Variants in C8orf34 observed in about 807,000 individuals in gnomAD.
C8orf34 encodes uncharacterized protein C8orf34.
C8orf34 carries 65 observed loss-of-function variants against 68.3 expected under a neutral mutation model. That is an observed-to-expected ratio of 0.95 (90% confidence interval 0.78 to 1.17). C8orf34 has a LOEUF of 1.17. Ranked by LOEUF, C8orf34 falls within the 50% of genes most tolerant of loss-of-function variation. C8orf34 has a pLI of 0.00. For synonymous variants in C8orf34, 244 were observed against 241.2 expected, an observed-to-expected ratio of 1.01 and a Z score of -0.11; for missense variants, 664 against 655.4, an observed-to-expected ratio of 1.01 and a Z score of -0.14.
At chr8:68,528,165 TGATCC>T (rs1236315628) in intron 6 of C8orf34, among the ~76,000 whole-genome samples, 1 of 152,186 alleles carries the variant, frequency 6.6e-6, no homozygotes, top group African/African-American at 2.4e-5. Context: ...ACATCATCGG[TGATCC>T]TTCCCCAAAC....
chr8:68,684,309 A>G (rs1269003393), intron 8 of C8orf34, among the ~76,000 whole-genome samples: 2 of 152,138 alleles, frequency 1.3e-5, no homozygotes, highest in Admixed American at 1.3e-4. Flanking sequence ...AGAAAACGAG[A>G]CAGGACCTAA....
chr8:68,462,872 A>G (rs918262802), intron 3 of C8orf34, among the ~76,000 whole-genome samples: 1 of 152,160 alleles, frequency 6.6e-6, no homozygotes, highest in Non-Finnish European at 1.5e-5. Context: ...TAACATCACA[A>G]TTAAAAGAAC....
At chr8:68,555,191 ATT>A (rs1339152869) in intron 7 of C8orf34, among the ~76,000 whole-genome samples, 1 of 152,134 alleles carries the variant, frequency 6.6e-6, no homozygotes, top group Non-Finnish European at 1.5e-5. Context: ...ACAGAAAGCC[ATT>A]GTTTCAGCCT....
intron 1 of C8orf34, among the ~76,000 whole-genome samples, chr8:68,368,159 A>G (rs1352836923): frequency 1.4e-4 from 22 of 152,154 alleles, no homozygotes; most frequent in Admixed American, 1.4e-3. Context: ...TTTACCACAG[A>G]TTATCCTCTG....
At chr8:68,761,507 A>C (rs1823023681) in intron 10 of C8orf34, among the ~76,000 whole-genome samples, 1 of 152,208 alleles carries the variant, frequency 6.6e-6, no homozygotes, top group African/African-American at 2.4e-5. Flanking sequence ...AAACCGTCTA[A>C]TTTCCTTTCC....
intron 1 of C8orf34, among the ~76,000 whole-genome samples, chr8:68,353,040 A>G (rs990002737): frequency 6.6e-6 from 1 of 152,114 alleles, no homozygotes. Flanking sequence ...TCCTTATTAA[A>G]TCACTTAGAA....
At chr8:68,380,542 T>G (rs1347769200) in intron 1 of C8orf34, among the ~76,000 whole-genome samples, 1 of 152,268 alleles carries the variant, frequency 6.6e-6, no homozygotes, top group African/African-American at 2.4e-5. Flanking sequence ...GCTCCATGGC[T>G]GTCAAGCCAG....
At chr8:68,403,605 A>G (rs772974798) in intron 1 of C8orf34, among the ~76,000 whole-genome samples, 2 of 151,480 alleles carry the variant, frequency 1.3e-5, no homozygotes, top group East Asian at 1.9e-4. Context: ...TCATTGTTCA[A>G]CTCCCACTTA....
At chr8:68,559,927 A>G (rs1194370942) in intron 7 of C8orf34, among the ~76,000 whole-genome samples, 2 of 152,176 alleles carry the variant, frequency 1.3e-5, no homozygotes, top group Admixed American at 6.5e-5. Flanking sequence ...AAAGTCAAGT[A>G]GGTACAGAGA....
intron 8 of C8orf34, among the ~76,000 whole-genome samples, chr8:68,650,837 G>T (rs1819337739): frequency 6.6e-6 from 1 of 152,094 alleles, no homozygotes; most frequent in Non-Finnish European, 1.5e-5. Context: ...ATGTTGCCTG[G>T]TTCTTCACTA....
chr8:68,550,375 A>G (rs1320547202), intron 7 of C8orf34, among the ~76,000 whole-genome samples: 1 of 151,818 alleles, frequency 6.6e-6, no homozygotes, highest in African/African-American at 2.4e-5. Flanking sequence ...TGTAATATCA[A>G]AATACTCCTA....
At chr8:68,573,935 T>C (rs1206749256) in intron 7 of C8orf34, among the ~76,000 whole-genome samples, 2 of 152,190 alleles carry the variant, frequency 1.3e-5, no homozygotes, top group African/African-American at 4.8e-5. Context: ...TTTGTGAAAG[T>C]ATTTATGCAT....
At chr8:68,459,685 A>G (rs1020009593) in intron 3 of C8orf34, among the ~76,000 whole-genome samples, 1 of 152,210 alleles carries the variant, frequency 6.6e-6, no homozygotes, top group African/African-American at 2.4e-5. Flanking sequence ...AACAAACAAT[A>G]TATCCAAAAG....
intron 1 of C8orf34, among the ~76,000 whole-genome samples, chr8:68,422,559 C>G (rs1230054298): frequency 6.6e-6 from 1 of 152,216 alleles, no homozygotes; most frequent in African/African-American, 2.4e-5. Flanking sequence ...CAGCTGCTTT[C>G]ACAGGCTGGT....
At chr8:68,488,217 A>T (rs2129631587) in intron 5 of C8orf34, among the ~76,000 whole-genome samples, 166 bp downstream of exon 5, 1 of 152,324 alleles carries the variant, frequency 6.6e-6, no homozygotes, top group East Asian at 1.9e-4. Context: ...TATGAAAGCT[A>T]TTCCATTAAA....
intron 1 of C8orf34, among the ~76,000 whole-genome samples, chr8:68,336,445 C>T (rs1274135991): frequency 6.6e-6 from 1 of 152,088 alleles, no homozygotes; most frequent in Non-Finnish European, 1.5e-5. Context: ...AGCCTTCTTA[C>T]TGATGGACAT....
chr8:68,452,909 G>T (rs1811404018), intron 3 of C8orf34, among the ~76,000 whole-genome samples: 1 of 151,318 alleles, frequency 6.6e-6, no homozygotes, highest in Non-Finnish European at 1.5e-5. Context: ...TCTTACATGT[G>T]GGTAGTTGTT....
chr8:68,397,707 C>CTGT, intron 1 of C8orf34, among the ~76,000 whole-genome samples: 1 of 152,192 alleles, frequency 6.6e-6, no homozygotes, highest in Non-Finnish European at 1.5e-5. Context: ...TTGAAACAAT[C>CTGT]TGTTGAATTG....
chr8:68,400,355 T>G (rs1434570247), intron 1 of C8orf34, among the ~76,000 whole-genome samples: 1 of 152,112 alleles, frequency 6.6e-6, no homozygotes, highest in Non-Finnish European at 1.5e-5. Flanking sequence ...TGGTAGGAGA[T>G]AAGAATCTAG....
Sources: gnomAD v4.1 joint callset for allele counts (sites outside exome capture counted in the v4.1 genomes callset) on GRCh38, gnomAD v4.1.1 for gene constraint, MANE v1.5 for transcripts, NCBI Gene and HGNC (gene_info 2026-07-23, HGNC 2026-07-21) for gene names.